FRMD3: variants seen among roughly 807,000 people sequenced by gnomAD.
FRMD3 encodes FERM domain-containing protein 3.
FRMD3 carries 33 observed loss-of-function variants against 70.2 expected under a neutral mutation model. The ratio of observed to expected loss-of-function variants is 0.47; its 90% CI spans 0.36 to 0.63. FRMD3 has a LOEUF of 0.63. Among genes scored for constraint, FRMD3 ranks in the 20% least tolerant of loss-of-function variants. FRMD3 has a pLI of 0.00. For synonymous variants in FRMD3, 279 were observed against 255.9 expected (o/e 1.09, Z -0.86); for missense variants, 632 against 711.4 (o/e 0.89, Z 1.27).
At chr9:83,430,238 G>C (rs1826932563) in intron 1 of FRMD3, among the ~76,000 whole-genome samples, 2 of 152,088 alleles carry the variant, frequency 1.3e-5, no homozygotes, top group Admixed American at 1.3e-4. Flanking sequence ...AATGCAGAGA[G>C]ACCTTCCTAA....
At chr9:83,278,236 A>AACGGGAAAC (rs1409803755) in intron 13 of FRMD3, among the ~76,000 whole-genome samples, 2 of 152,148 alleles carry the variant, frequency 1.3e-5, no homozygotes, top group Non-Finnish European at 2.9e-5. Context: ...TTCAAGGGAG[A>AACGGGAAAC]ACGGGAAACA....
At chr9:83,428,377 C>CA (rs201510596) in intron 1 of FRMD3, among the ~76,000 whole-genome samples, 6,322 of 136,472 alleles carry the variant, frequency 0.046, 181 homozygotes, top group East Asian at 0.17. Context: ...GACTCGGCCT[C>CA]AAAAAAAAAA....
chr9:83,485,870 G>A (rs1011138639), intron 1 of FRMD3, among the ~76,000 whole-genome samples: 27 of 151,732 alleles, frequency 1.8e-4, no homozygotes, highest in African/African-American at 5.6e-4. Flanking sequence ...AAGAGAATTC[G>A]AAATTCTCTT....
intron 6 of FRMD3, among the ~76,000 whole-genome samples, chr9:83,328,875 T>A (rs10867990): frequency 0.33 from 50,651 of 152,094 alleles, 8,736 homozygotes; most frequent in African/African-American, 0.41. Context: ...TGTTATAGTC[T>A]CATTGAAAGT....
At chr9:83,327,409 T>C (rs184909318) in intron 6 of FRMD3, among the ~76,000 whole-genome samples, 1 of 152,358 alleles carries the variant, frequency 6.6e-6, no homozygotes, top group East Asian at 1.9e-4. Flanking sequence ...GGGAGCTGTC[T>C]ATGCTTTATA....
At position 83,468,002 on chromosome 9, in the gene FRMD3, TA is replaced by T. The variant is rs565853260; in HGVS notation, c.147+70082del. On this transcript the variant is annotated intron_variant, in intron 1 of 13. Coordinates refer to ENST00000304195, the MANE Select transcript of FRMD3 (RefSeq NM_174938.6). The stretch of plus-strand genomic sequence containing the variant: ...CTCCCAGCTATCCTTAGGAAAATTC[TA>T]AAAAAAAAAAATCAGTGGGAATAAA... Among the ~76,000 whole-genome samples the T allele has an allele frequency of 5.4e-3, 781 of 145,466 alleles. 2 individuals are homozygous for T. Among genetic ancestry groups the T allele is most frequent in the African/African-American group, 0.016 (656 of 39,974 alleles).
chr9:83,358,877 T>C (rs1487368135), intron 3 of FRMD3, among the ~76,000 whole-genome samples: 1 of 152,064 alleles, frequency 6.6e-6, no homozygotes, highest in Non-Finnish European at 1.5e-5. Flanking sequence ...TCTGCACATA[T>C]GCAAAATGAC....
At chr9:83,543,048 A>C (rs905859542), upstream of FRMD3, among the ~76,000 whole-genome samples, 2 of 152,138 alleles carry the variant, frequency 1.3e-5, no homozygotes, top group Admixed American at 6.5e-5. Flanking sequence ...AAAAATCAAC[A>C]AACATCAACA....
intron 3 of FRMD3, among the ~76,000 whole-genome samples, chr9:83,352,687 G>A (rs901866370): frequency 6.6e-6 from 1 of 152,158 alleles, no homozygotes; most frequent in African/African-American, 2.4e-5. Flanking sequence ...AAGCAGTTCT[G>A]AGTGGCCTTC....
intron 1 of FRMD3, among the ~76,000 whole-genome samples, chr9:83,485,498 G>A (rs567046390): frequency 6.6e-6 from 1 of 152,214 alleles, no homozygotes; most frequent in African/African-American, 2.4e-5. Flanking sequence ...AAGTTCTTCT[G>A]GTCATTAAAT....
At chr9:83,406,235 C>G (rs936884064) in intron 1 of FRMD3, among the ~76,000 whole-genome samples, 1 of 152,164 alleles carries the variant, frequency 6.6e-6, no homozygotes, top group Admixed American at 6.5e-5. Flanking sequence ...CTCCGTCCAC[C>G]CACACCTCCT....
intron 10 of FRMD3, among the ~76,000 whole-genome samples, chr9:83,306,039 C>T (rs1835122113): frequency 6.6e-6 from 1 of 152,028 alleles, no homozygotes; most frequent in Admixed American, 6.6e-5. Context: ...CAGGTTTTTT[C>T]TCTCCCTTTC....
chr9:83,313,873 T>A lies in FRMD3; in HGVS notation c.597-126A>T. On this transcript the variant is annotated intron_variant, in intron 6 of 13. Coordinates refer to ENST00000304195, the MANE Select transcript of FRMD3 (RefSeq NM_174938.6). ...AGAAAAACCCTTACATAAATAGTAA[T>A]CAGTAAGACTGATCATTATTTCTCA... 11 of 666,878 alleles carry A rather than the reference T, an allele frequency of 1.6e-5. No individual in the cohort carries two copies. The South Asian group carries it at 2.0e-4, about 12-fold the overall frequency. The allele number at this position is 666,878 out of a possible 1,614,324, so 41.3% of individuals were successfully genotyped here. A position where few individuals can be genotyped will look rare whatever the true frequency, so the allele number is the denominator to read the frequency against.
chr9:83,360,750 C>T (rs1201345595), intron 3 of FRMD3, among the ~76,000 whole-genome samples: 1 of 152,158 alleles, frequency 6.6e-6, no homozygotes, highest in Non-Finnish European at 1.5e-5. Flanking sequence ...TTGCCACCAA[C>T]CATTGCATAA....
At chr9:83,557,241 C>T in the FRMD3 span, among the ~76,000 whole-genome samples, 1 of 152,076 alleles carries the variant, frequency 6.6e-6, no homozygotes, top group African/African-American at 2.4e-5. Context: ...GAAGCAATGG[C>T]GCCATGCAAA....
intron 1 of FRMD3, among the ~76,000 whole-genome samples, chr9:83,503,528 G>C (rs1313377763): frequency 6.6e-6 from 1 of 152,192 alleles, no homozygotes; most frequent in Non-Finnish European, 1.5e-5. Context: ...GAAAAGCCCA[G>C]CTCTGCTGAC....
At chr9:83,557,736 A>G in the FRMD3 span, among the ~76,000 whole-genome samples, 2 of 152,344 alleles carry the variant, frequency 1.3e-5, no homozygotes, top group African/African-American at 4.8e-5. Flanking sequence ...GAGGTAAGAA[A>G]TGAAGATCTG....
intron 1 of FRMD3, chr9:83,467,656 C>T (rs1828164932): frequency 6.5e-7 from 1 of 1,535,060 alleles, no homozygotes; most frequent in Non-Finnish European, 8.7e-7. Context: ...TGTGCCTTGC[C>T]AAGACAAAAA....
At chr9:83,467,634 A>T (rs1195071035) in intron 1 of FRMD3, 1 of 1,533,970 alleles carries the variant, frequency 6.5e-7, no homozygotes, top group Admixed American at 2.0e-5. Context: ...AAGCTGCATA[A>T]GCAGGTCTCC....
Sources: allele counts gnomAD v4.1 joint callset (sites outside exome capture counted in the v4.1 genomes callset), GRCh38; gene constraint gnomAD v4.1.1; transcripts MANE v1.5; gene names NCBI Gene and HGNC (gene_info 2026-07-23, HGNC 2026-07-21).